The following LUZP2 variants were observed in gnomAD, a reference collection of about 807,000 sequenced individuals.
LUZP2 encodes leucine zipper protein 2.
A neutral mutation model predicts 51.6 loss-of-function variants in LUZP2; 52 were observed. That is an observed-to-expected ratio of 1.01 (90% CI 0.81 to 1.27). The LOEUF is 1.27. Among genes scored for constraint, LUZP2 ranks in the 50% most tolerant of loss-of-function variants. The pLI is 0.00. For missense variants in LUZP2, 436 were observed against 395.4 expected (o/e 1.10, Z -0.87); for synonymous variants, 154 against 137.3 (o/e 1.12, Z -0.85).
intron 7 of LUZP2, 74 bp downstream of exon 7, chr11:24,914,612 T>C: frequency 1.0e-6 from 1 of 1,004,110 alleles, no homozygotes; most frequent in Non-Finnish European, 1.5e-6. Flanking sequence ...TTATTTAGGT[T>C]AAATTTATTT....
chr11:24,532,824 C>A (rs769908359), intron 1 of LUZP2, among the ~76,000 whole-genome samples: 15 of 150,942 alleles, frequency 9.9e-5, no homozygotes, highest in Middle Eastern at 3.4e-3. Flanking sequence ...TTAGTCATGC[C>A]TTTGAATTTT....
chr11:24,604,840 C>T (rs1388757483), intron 1 of LUZP2, among the ~76,000 whole-genome samples: 1 of 151,664 alleles, frequency 6.6e-6, no homozygotes, highest in Non-Finnish European at 1.5e-5. Flanking sequence ...CTCCAAATAC[C>T]CACTATGATT....
intron 5 of LUZP2, among the ~76,000 whole-genome samples, chr11:24,850,712 A>G (rs997807809): frequency 6.6e-6 from 1 of 152,068 alleles, no homozygotes. Context: ...ACTTTGGGCC[A>G]TATGTCCATT....
At chr11:24,917,562 G>GAA (rs1565103302) in intron 7 of LUZP2, among the ~76,000 whole-genome samples, 2 of 151,254 alleles carry the variant, frequency 1.3e-5, no homozygotes, top group Non-Finnish European at 3.0e-5. Flanking sequence ...TGGCTAGCCA[G>GAA]TTTTCCCAGC....
chr11:25,076,785 T>A (rs891524843), intron 10 of LUZP2, among the ~76,000 whole-genome samples: 1 of 151,448 alleles, frequency 6.6e-6, no homozygotes, highest in African/African-American at 2.4e-5. Flanking sequence ...ACACTTCATC[T>A]TCCTTTAAAC....
chr11:24,560,551 G>C (rs1852008030), intron 1 of LUZP2, among the ~76,000 whole-genome samples: 1 of 152,080 alleles, frequency 6.6e-6, no homozygotes, highest in Non-Finnish European at 1.5e-5. Flanking sequence ...CGACAAGTCA[G>C]ATTCAACTCT....
At chr11:24,630,673 C>CTATTTTTT (rs375008402) in intron 1 of LUZP2, among the ~76,000 whole-genome samples, 1 of 131,658 alleles carries the variant, frequency 7.6e-6, no homozygotes. Context: ...GCTATTCCGA[C>CTATTTTTT]TTTTTTTTTT....
intron 7 of LUZP2, among the ~76,000 whole-genome samples, chr11:24,974,904 A>C (rs182428889): frequency 2.0e-5 from 3 of 152,182 alleles, no homozygotes; most frequent in Non-Finnish European, 2.9e-5. Flanking sequence ...GGTAAAACAT[A>C]TGATTTTTAA....
intron 9 of LUZP2, among the ~76,000 whole-genome samples, chr11:24,996,291 G>C (rs1039471089): frequency 1.3e-5 from 2 of 150,586 alleles, no homozygotes; most frequent in Non-Finnish European, 3.0e-5. Flanking sequence ...CTCTCTCCCT[G>C]TTCATATTTC....
intron 10 of LUZP2, among the ~76,000 whole-genome samples, chr11:25,064,434 G>A (rs978455852): frequency 1.3e-5 from 2 of 151,864 alleles, no homozygotes; most frequent in African/African-American, 4.8e-5. Flanking sequence ...AAAAACATGA[G>A]CAGCATGTAA....
chr11:24,572,380 A>T (rs769390530), intron 1 of LUZP2, among the ~76,000 whole-genome samples: 2 of 151,996 alleles, frequency 1.3e-5, no homozygotes, highest in Non-Finnish European at 2.9e-5. Context: ...CAAGCAATTC[A>T]GTTTATATAC....
At chr11:24,900,677 G>A (rs1712009101) in intron 5 of LUZP2, among the ~76,000 whole-genome samples, 2 of 152,176 alleles carry the variant, frequency 1.3e-5, no homozygotes, top group Non-Finnish European at 2.9e-5. Flanking sequence ...GTGAAGAGAA[G>A]TCGACTGTTA....
At chr11:25,065,458 A>C (rs7122480) in intron 10 of LUZP2, among the ~76,000 whole-genome samples, 136,682 of 151,990 alleles carry the variant, frequency 0.9, 62,448 homozygotes, top group Non-Finnish European at 0.98. Flanking sequence ...TATTGATGAA[A>C]AAACTTGTTC....
chr11:24,904,637 T>C lies in LUZP2; in HGVS notation c.397-1354T>C, dbSNP rs1021679888. 7.2e-5 allele frequency among the ~76,000 whole-genome samples: 11 copies of C among 152,280 alleles called. 1 individual carries two copies. In the East Asian group the frequency reaches 1.5e-3, roughly 21 times the overall value. On this transcript the variant is annotated intron_variant, in intron 5 of 11. Transcript: ENST00000336930. The stretch of plus-strand genomic sequence containing the variant: ...ATTTGCTTTTTGCTTTTGATTTGTG[T>C]TCTTGGTTTGTTCTAGATAGTAACC...
intron 9 of LUZP2, among the ~76,000 whole-genome samples, chr11:25,041,358 CTCTT>C (rs1365760724): frequency 1.3e-5 from 2 of 152,092 alleles, no homozygotes; most frequent in Non-Finnish European, 2.9e-5. Flanking sequence ...TGTGGTCTTT[CTCTT>C]TCTTACTCTC....
chr11:24,827,572 C>T (rs1464811435), intron 5 of LUZP2, among the ~76,000 whole-genome samples: 4 of 152,048 alleles, frequency 2.6e-5, no homozygotes, highest in African/African-American at 7.2e-5. Context: ...CTTGAGGGAA[C>T]ATTTTAGGTG....
intron 7 of LUZP2, among the ~76,000 whole-genome samples, chr11:24,956,780 G>C (rs1855223951): frequency 6.6e-6 from 1 of 152,030 alleles, no homozygotes; most frequent in African/African-American, 2.4e-5. Flanking sequence ...GTGGGATTTG[G>C]TAGAGAAATC....
chr11:24,923,500 C>A (rs1187650357), intron 7 of LUZP2, among the ~76,000 whole-genome samples: 1 of 151,928 alleles, frequency 6.6e-6, no homozygotes, highest in Admixed American at 6.6e-5. Context: ...AGATTGAGAC[C>A]ATCCTGGTCA....
chr11:24,919,629 C>G (rs1031423766), intron 7 of LUZP2, among the ~76,000 whole-genome samples: 1 of 147,202 alleles, frequency 6.8e-6, no homozygotes. Flanking sequence ...GTTACTTAAC[C>G]TTTCACTTAT....
Sources: gnomAD v4.1 joint callset for allele counts (sites outside exome capture counted in the v4.1 genomes callset) on GRCh38, gnomAD v4.1.1 for gene constraint, MANE v1.5 for transcripts, NCBI Gene and HGNC (gene_info 2026-07-23, HGNC 2026-07-21) for gene names.